The following PTPN14 variants were observed in gnomAD, a reference collection of about 807,000 sequenced individuals.
PTPN14 encodes the protein protein tyrosine phosphatase non-receptor type 14.
In PTPN14, 53 loss-of-function variants were observed where a neutral mutation model predicts 126.8. The observed-to-expected ratio is 0.42, with a 90% CI of 0.34 to 0.53. PTPN14 has a LOEUF of 0.53. Among genes scored for constraint, PTPN14 ranks in the 20% least tolerant of loss-of-function variants. The pLI, the probability that PTPN14 is intolerant of heterozygous loss-of-function variation, is 0.08. For synonymous variants in PTPN14, 630 were observed against 599.3 expected, an observed-to-expected ratio of 1.05 and a Z score of -0.75; for missense variants, 1,257 against 1,552.9, an observed-to-expected ratio of 0.81 and a Z score of 3.20.
At chr1:214,525,629 A>C (rs1319965742) in intron 1 of PTPN14, among the ~76,000 whole-genome samples, 1 of 152,228 alleles carries the variant, frequency 6.6e-6, no homozygotes, top group Non-Finnish European at 1.5e-5. Context: ...TAAAACAAAA[A>C]GTTTTCTAGA....
At chr1:214,519,945 G>T (rs1266819941) in intron 1 of PTPN14, among the ~76,000 whole-genome samples, 1 of 151,044 alleles carries the variant, frequency 6.6e-6, no homozygotes, top group Non-Finnish European at 1.5e-5. Flanking sequence ...TACTTGGGAG[G>T]GTGAGGTGGG....
intron 1 of PTPN14, chr1:214,483,484 G>C (rs556940132): frequency 3.9e-6 from 3 of 776,724 alleles, no homozygotes; most frequent in Non-Finnish European, 6.4e-6. Flanking sequence ...TTCCCCACCC[G>C]CCTCCAGTTA....
intron 1 of PTPN14, among the ~76,000 whole-genome samples, chr1:214,540,262 T>C (rs1385550496): frequency 6.6e-6 from 1 of 152,126 alleles, no homozygotes; most frequent in Non-Finnish European, 1.5e-5. Flanking sequence ...TCAAAAAATG[T>C]GTACCTTCAT....
chr1:214,429,102 C>T lies in PTPN14; in HGVS notation c.345-14376G>A, dbSNP rs192398764. ...CTCACTTTTTCATGTTAGCCCGTTC[C>T]GTATAATTTTCATGAATTCTTAAAG... is the stretch of plus-strand genomic sequence containing the variant. On this transcript the variant is annotated intron_variant, in intron 3 of 18. Transcript: ENST00000366956. Among the ~76,000 whole-genome samples, 4 of 152,126 alleles carry T rather than the reference C, an allele frequency of 2.6e-5. No homozygotes were observed. In the East Asian group the frequency reaches 5.8e-4, roughly 22 times the overall value.
chr1:214,349,555 C>T lies in PTPN14; in HGVS notation c.*8367G>A, dbSNP rs1657663537. 1 of 152,200 alleles carries T rather than the reference C, an allele frequency of 6.6e-6. No homozygotes were observed. Among genetic ancestry groups the T allele is most frequent in the South Asian group, 2.1e-4 (1 of 4,834 alleles). The allele number at this position is 152,200 out of a possible 1,614,324, so 9.4% of individuals were successfully genotyped here. A position where few individuals can be genotyped will look rare whatever the true frequency, so the allele number is the denominator to read the frequency against. On this transcript the variant is annotated 3_prime_UTR_variant, in exon 19 of 19. Transcript: ENST00000366956. ...CACAAGCCTAGTCCAGTGAAACAAA[C>T]TAGATTAGCTTGTTACTTGATGTAA...
At chr1:214,427,009 G>A (rs760244100) in intron 3 of PTPN14, among the ~76,000 whole-genome samples, 6 of 152,106 alleles carry the variant, frequency 3.9e-5, no homozygotes, top group Non-Finnish European at 8.8e-5. Context: ...AGGCCAGCGT[G>A]GTGGCTCACG....
At chr1:214,471,191 T>C (rs1276591780) in intron 1 of PTPN14, among the ~76,000 whole-genome samples, 3 of 151,946 alleles carry the variant, frequency 2.0e-5, no homozygotes, top group Non-Finnish European at 4.4e-5. Flanking sequence ...ACTCTTCAAC[T>C]TCTAGGGTCT....
At chr1:214,511,811 G>T (rs1263933434) in intron 1 of PTPN14, among the ~76,000 whole-genome samples, 1 of 152,064 alleles carries the variant, frequency 6.6e-6, no homozygotes, top group Non-Finnish European at 1.5e-5. Flanking sequence ...AACAACTTGT[G>T]GTCTATACAT....
At chr1:214,410,590 C>T (rs1659285642) in intron 5 of PTPN14, among the ~76,000 whole-genome samples, 2 of 152,086 alleles carry the variant, frequency 1.3e-5, no homozygotes, top group Admixed American at 6.5e-5. Context: ...CGCGCCTGGC[C>T]ACATTTAAGT....
chr1:214,480,833 A>G (rs1228677424), intron 1 of PTPN14, among the ~76,000 whole-genome samples: 2 of 152,198 alleles, frequency 1.3e-5, no homozygotes, highest in East Asian at 3.9e-4. Flanking sequence ...TGATCTCAAT[A>G]TTCCCCAAAG....
intron 1 of PTPN14, among the ~76,000 whole-genome samples, chr1:214,479,358 G>C (rs1415620619): frequency 1.6e-4 from 13 of 83,464 alleles, no homozygotes. Context: ...TTTTTTTTTT[G>C]AGATGGAGTC....
At position 214,461,638 on chromosome 1, in the gene PTPN14, A is replaced by G. The variant is rs1244973602; in HGVS notation, c.174+2992T>C. ...GAGCAAGATCCTGTCTCAACTGGAA[A>G]AAAAAAAAAAGATTAAATATATTTT... is the stretch of plus-strand genomic sequence containing the variant. On this transcript the variant is annotated intron_variant, in intron 2 of 18. Coordinates refer to ENST00000366956, the MANE Select transcript of PTPN14 (RefSeq NM_005401.5). Among the ~76,000 whole-genome samples, 158 of 147,872 alleles carry G rather than the reference A, an allele frequency of 1.1e-3. 1 individual carries two copies. The highest frequency in any genetic ancestry group is 3.3e-3 in the African/African-American group (131 of 39,994).
At chr1:214,369,231 G>C (rs1658156039) in intron 17 of PTPN14, among the ~76,000 whole-genome samples, 1 of 152,182 alleles carries the variant, frequency 6.6e-6, no homozygotes, top group Non-Finnish European at 1.5e-5. Flanking sequence ...GAGCCAATAT[G>C]TTGATCACAG....
intron 3 of PTPN14, among the ~76,000 whole-genome samples, chr1:214,442,165 T>C (rs1660048619): frequency 6.6e-6 from 1 of 152,236 alleles, no homozygotes; most frequent in Admixed American, 6.5e-5. Flanking sequence ...TATCACTTCT[T>C]TGAAGTATAC....
chr1:214,456,769 G>A lies in PTPN14; in HGVS notation c.175-4795C>T, dbSNP rs79637180. Among the ~76,000 whole-genome samples, 1,217 of 152,202 alleles carry A rather than the reference G, an allele frequency of 8.0e-3. 19 individuals are homozygous for A. The highest frequency in any genetic ancestry group is 0.028 in the African/African-American group (1,150 of 41,518). On this transcript the variant is annotated intron_variant, in intron 2 of 18. Coordinates refer to ENST00000366956, the MANE Select transcript of PTPN14 (RefSeq NM_005401.5). ...TCTATACCTAGAAAATGGAGATGCC[G>A]GTGCCATTACATTCTAGGATTGACA...
intron 2 of PTPN14, among the ~76,000 whole-genome samples, chr1:214,459,222 G>A (rs544469991): frequency 6.3e-5 from 9 of 142,964 alleles, no homozygotes; most frequent in East Asian, 2.1e-4. Flanking sequence ...TCTCAATCTC[G>A]CCTCACTGCA....
intron 3 of PTPN14, among the ~76,000 whole-genome samples, chr1:214,428,316 A>T (rs1179163146): frequency 6.6e-6 from 1 of 152,242 alleles, no homozygotes; most frequent in African/African-American, 2.4e-5. Flanking sequence ...TAAACCTTTC[A>T]GATAAAGACT....
intron 1 of PTPN14, among the ~76,000 whole-genome samples, chr1:214,545,921 C>G (rs932850808): frequency 2.0e-5 from 3 of 152,030 alleles, no homozygotes; most frequent in Non-Finnish European, 2.9e-5. Flanking sequence ...GCAGAGAGGT[C>G]TGGACTGGAG....
At chr1:214,370,456 A>G (rs1658192696) in intron 16 of PTPN14, among the ~76,000 whole-genome samples, 1 of 152,104 alleles carries the variant, frequency 6.6e-6, no homozygotes, top group South Asian at 2.1e-4. Context: ...CAAGGCGGGA[A>G]GGGGTTCCAG....
Sources: gnomAD v4.1 joint callset for allele counts (sites outside exome capture counted in the v4.1 genomes callset) on GRCh38, gnomAD v4.1.1 for gene constraint, MANE v1.5 for transcripts, NCBI Gene and HGNC (gene_info 2026-07-23, HGNC 2026-07-21) for gene names.